The following VTI1B variants were observed in gnomAD, a reference collection of about 807,000 sequenced individuals.
The protein encoded by VTI1B is vesicle transport through interaction with t-SNAREs homolog 1B.
VTI1B carries 18 observed loss-of-function variants against 28.6 expected under a neutral mutation model. The observed-to-expected ratio is 0.63, with a 90% CI of 0.43 to 0.93. VTI1B has a LOEUF of 0.93. VTI1B is among the 40% of genes least tolerant of loss of function. The pLI is 0.00. For synonymous variants in VTI1B, 100 were observed against 107.9 expected (o/e 0.93, Z 0.46); for missense variants, 283 against 297.0 (o/e 0.95, Z 0.35).
chr14:67,674,253 G>T (rs1594843980), intron 1 of VTI1B, 122 bp downstream of exon 1: 1 of 886,268 alleles, frequency 1.1e-6, no homozygotes, highest in Non-Finnish European at 1.6e-6. Flanking sequence ...CAGCCCTAGG[G>T]GGCGTGTCTG....
In VTI1B at chr14:67,663,315, T is replaced by G. The variant is rs193002680; in HGVS notation, c.116-780A>C. 3.7e-3 allele frequency: 2,338 copies of G among 633,910 alleles called. 32 individuals carry two copies. The highest frequency in any genetic ancestry group is 0.019 in the Middle Eastern group (67 of 3,584). 39.3% of individuals were successfully genotyped at this position (633,910 alleles called of 1,614,324 possible). On this transcript the variant is annotated intron_variant, in intron 1 of 5. Coordinates refer to ENST00000554659, the MANE Select transcript of VTI1B (RefSeq NM_006370.3). ...TCCATCTAAAATATGATAGCAAGTT[T>G]CATTTTTAAATAACATTGTTTTAAA...
intron 1 of VTI1B, among the ~76,000 whole-genome samples, chr14:67,669,418 C>T (rs918130065): frequency 1.3e-5 from 2 of 150,472 alleles, no homozygotes; most frequent in African/African-American, 5.0e-5. Flanking sequence ...TACAAGTGAG[C>T]AGCACCACAC....
intron 2 of VTI1B, 64 bp downstream of exon 2, chr14:67,662,413 T>C (rs2037348935): frequency 1.5e-6 from 2 of 1,354,434 alleles, no homozygotes; most frequent in Non-Finnish European, 2.1e-6. Flanking sequence ...GATCAGCTCA[T>C]AGCATTACTT....
intron 1 of VTI1B, among the ~76,000 whole-genome samples, chr14:67,669,506 ATCC>A (rs1260901437): frequency 1.3e-5 from 2 of 151,824 alleles, no homozygotes; most frequent in African/African-American, 4.8e-5. Flanking sequence ...GCCTCATGCA[ATCC>A]TCCTGCCTCA....
At chr14:67,657,069 C>A (rs925040579) in intron 3 of VTI1B, 1 of 152,586 alleles carries the variant, frequency 6.6e-6, no homozygotes, top group East Asian at 1.9e-4. Flanking sequence ...TGAGGATTGA[C>A]GGACCATGAA....
intron 1 of VTI1B, among the ~76,000 whole-genome samples, chr14:67,673,646 T>C (rs190913747): frequency 7.6e-4 from 116 of 152,346 alleles, no homozygotes; most frequent in Non-Finnish European, 1.2e-3. Flanking sequence ...GAGTAATTCG[T>C]TGAGCAAACA....
At chr14:67,656,647 C>G in intron 3 of VTI1B, 58 bp from the exon 4 acceptor site, 1 of 1,525,040 alleles carries the variant, frequency 6.6e-7, no homozygotes, top group African/African-American at 1.4e-5. Flanking sequence ...TCATTGCCAG[C>G]ATATTCCTCA....
At chr14:67,665,644 T>C (rs1300567492) in intron 1 of VTI1B, among the ~76,000 whole-genome samples, 1 of 152,218 alleles carries the variant, frequency 6.6e-6, no homozygotes, top group Non-Finnish European at 1.5e-5. Context: ...ACCAAGTTCC[T>C]CTGAAACATG....
rs559522718 is a variant in VTI1B at position 67,651,576 on chromosome 14, C to G, written c.603-95G>C. On this transcript the variant is annotated intron_variant, in intron 5 of 5. Transcript: ENST00000554659. ...AGACCTGGGACCACGGCTGGATACT[C>G]TGAGGCTGTATGTTTGATCACACAG... The G allele has an allele frequency of 9.9e-5, 138 of 1,391,570 alleles. No homozygotes were observed. The African/African-American group carries it at 1.7e-3, about 17-fold the overall frequency. 86.2% of individuals were successfully genotyped at this position (1,391,570 alleles called of 1,614,324 possible).
chr14:67,662,046 C>T (rs1016782145), intron 2 of VTI1B, among the ~76,000 whole-genome samples: 19 of 151,768 alleles, frequency 1.3e-4, no homozygotes, highest in Non-Finnish European at 2.9e-5. Context: ...TTCCCAGCTA[C>T]TTGGGAGGCT....
chr14:67,656,522 C>T lies in VTI1B; in HGVS notation c.434G>A (p.Ser145Asn), dbSNP rs772666729. ...GTESLNRATQ[S>N]IERSHRIATE... The stretch of plus-strand genomic sequence containing the variant: ...GGCAATCCGATGAGAACGTTCAATA[C>T]TTTGGGTGGCCCGGTTCAGGCTTTC... The change falls in exon 4 of 6, where the codon AGT (serine) becomes AAT (asparagine). Residue 145 changes from serine (S) to asparagine (N), a missense_variant. By Grantham distance (46) the Ser-to-Asn change is conservative. Transcript: ENST00000554659. 1 of 1,613,974 alleles carries T rather than the reference C, an allele frequency of 6.2e-7. No homozygotes were observed. Among genetic ancestry groups the T allele is most frequent in the Non-Finnish European group, 8.5e-7 (1 of 1,179,870 alleles).
intron 1 of VTI1B, among the ~76,000 whole-genome samples, chr14:67,667,814 G>T (rs908952423): frequency 6.6e-6 from 1 of 152,062 alleles, no homozygotes; most frequent in Admixed American, 6.6e-5. Context: ...CGTGGTGGTG[G>T]GCGCCTGTAG....
intron 5 of VTI1B, among the ~76,000 whole-genome samples, chr14:67,651,948 GGAGCTTA>G (rs2037185258): frequency 6.6e-6 from 1 of 152,156 alleles, no homozygotes; most frequent in East Asian, 1.9e-4. Context: ...AGGTAGTATA[GGAGCTTA>G]AAAATTTTCC....
At chr14:67,662,885 A>G in intron 1 of VTI1B, 1 of 1,192,338 alleles carries the variant, frequency 8.4e-7, no homozygotes, top group Non-Finnish European at 1.0e-6. Flanking sequence ...CCTGGGCAAT[A>G]GAGCAAGACT....
At chr14:67,652,966 A>G (rs2037206169) in intron 5 of VTI1B, among the ~76,000 whole-genome samples, 1 of 151,888 alleles carries the variant, frequency 6.6e-6, no homozygotes, top group South Asian at 2.1e-4. Flanking sequence ...ATTTTTTTGT[A>G]TTTTTAGTAG....
chr14:67,666,043 G>A (rs965955477), intron 1 of VTI1B, among the ~76,000 whole-genome samples: 1 of 152,148 alleles, frequency 6.6e-6, no homozygotes, highest in Non-Finnish European at 1.5e-5. Context: ...GTATTATTTT[G>A]TAATAAGCTG....
At chr14:67,653,631 TG>T in intron 4 of VTI1B, 133 bp from the exon 5 acceptor site, 1 of 726,530 alleles carries the variant, frequency 1.4e-6, no homozygotes, top group Non-Finnish European at 2.3e-6. Flanking sequence ...ATTTAAATGA[TG>T]GCCTTTGAGT....
chr14:67,650,436 A>G lies in VTI1B; in HGVS notation c.*949T>C, dbSNP rs1246440551. The G allele has an allele frequency of 7.2e-6, 3 of 414,174 alleles. No homozygotes were observed. The highest frequency in any genetic ancestry group is 8.8e-6 in the Non-Finnish European group (2 of 228,180). 25.7% of individuals were successfully genotyped at this position (414,174 alleles called of 1,614,324 possible). ...CCAACACCAAGCCTTTTCCTTTTCC[A>G]GAACGCCTGACAATTATGCCTGTTA... On this transcript the variant is annotated 3_prime_UTR_variant, in exon 6 of 6. Coordinates refer to ENST00000554659, the MANE Select transcript of VTI1B (RefSeq NM_006370.3).
chr14:67,669,116 C>T (rs574598101), intron 1 of VTI1B, among the ~76,000 whole-genome samples: 2 of 152,220 alleles, frequency 1.3e-5, no homozygotes, highest in East Asian at 3.9e-4. Flanking sequence ...TATGATTTAT[C>T]CCCATTTGGC....
Sources: allele counts gnomAD v4.1 joint callset (sites outside exome capture counted in the v4.1 genomes callset), GRCh38; gene constraint gnomAD v4.1.1; transcripts MANE v1.5; gene names NCBI Gene and HGNC (gene_info 2026-07-23, HGNC 2026-07-21).